RPS6KC1: variants seen among roughly 807,000 people sequenced by gnomAD.
The protein encoded by RPS6KC1 is inactive ribosomal protein S6 kinase delta-1.
A neutral mutation model predicts 103.8 loss-of-function variants in RPS6KC1; 54 were observed. That is an observed-to-expected ratio of 0.52 (90% CI 0.42 to 0.65). The LOEUF is 0.65. Ranked by LOEUF, RPS6KC1 falls within the 30% of genes least tolerant of loss-of-function variation. RPS6KC1 has a pLI of 0.00. For synonymous variants in RPS6KC1, 439 were observed against 438.7 expected, an observed-to-expected ratio of 1.00 and a Z score of -0.01; for missense variants, 1,151 against 1,253.8, an observed-to-expected ratio of 0.92 and a Z score of 1.24.
At chr1:213,645,942 A>G in the RPS6KC1 span, among the ~76,000 whole-genome samples, 3 of 152,222 alleles carry the variant, frequency 2.0e-5, no homozygotes, top group African/African-American at 7.2e-5. Flanking sequence ...TGAAATTGTC[A>G]TAGACAACCT....
At chr1:213,359,985 T>G in the RPS6KC1 span, among the ~76,000 whole-genome samples, 8,554 of 152,168 alleles carry the variant, frequency 0.056, 787 homozygotes, top group African/African-American at 0.2. Flanking sequence ...TGGCTGCCCT[T>G]AACATTTTTT....
the RPS6KC1 span, among the ~76,000 whole-genome samples, chr1:213,783,578 C>T: frequency 5.3e-5 from 8 of 152,006 alleles, no homozygotes; most frequent in East Asian, 1.2e-3. Flanking sequence ...CTTCAAAAGG[C>T]GAGGTGGTAT....
At chr1:213,135,057 G>A (rs2149037453) in intron 6 of RPS6KC1, among the ~76,000 whole-genome samples, 1 of 152,128 alleles carries the variant, frequency 6.6e-6, no homozygotes, top group Non-Finnish European at 1.5e-5. Context: ...GTTAGTTGTT[G>A]GTTTTTCATA....
At chr1:213,658,562 C>G in the RPS6KC1 span, among the ~76,000 whole-genome samples, 3 of 152,038 alleles carry the variant, frequency 2.0e-5, no homozygotes, top group Admixed American at 6.5e-5. Flanking sequence ...AATCTAGAGG[C>G]AAGACAGATC....
chr1:213,331,134 T>C, the RPS6KC1 span, among the ~76,000 whole-genome samples: 1 of 152,240 alleles, frequency 6.6e-6, no homozygotes, highest in Non-Finnish European at 1.5e-5. Flanking sequence ...ACTGCTAATG[T>C]GCTGGCACAG....
the RPS6KC1 span, among the ~76,000 whole-genome samples, chr1:213,590,687 G>T: frequency 6.6e-6 from 1 of 152,096 alleles, no homozygotes; most frequent in African/African-American, 2.4e-5. Flanking sequence ...ATGACCATGG[G>T]TGAGGTCACT....
the RPS6KC1 span, among the ~76,000 whole-genome samples, chr1:213,408,733 A>G: frequency 6.6e-6 from 1 of 152,340 alleles, no homozygotes; most frequent in African/African-American, 2.4e-5. Flanking sequence ...AGATGCACAC[A>G]TATACACACA....
the RPS6KC1 span, among the ~76,000 whole-genome samples, chr1:213,732,448 C>T: frequency 6.6e-6 from 1 of 151,906 alleles, no homozygotes; most frequent in Non-Finnish European, 1.5e-5. Context: ...GTTTCTAGTC[C>T]AAACTTTTAA....
chr1:213,397,912 T>C, the RPS6KC1 span, among the ~76,000 whole-genome samples: 2 of 152,136 alleles, frequency 1.3e-5, no homozygotes, highest in Non-Finnish European at 2.9e-5. Flanking sequence ...CTGGAGTGAA[T>C]CTGCTCAGGC....
intron 8 of RPS6KC1, among the ~76,000 whole-genome samples, chr1:213,206,803 T>G (rs1225307312): frequency 6.6e-6 from 1 of 152,114 alleles, no homozygotes; most frequent in African/African-American, 2.4e-5. Context: ...CAAAATTTTT[T>G]CTCTTGGGGT....
chr1:213,826,659 G>T, the RPS6KC1 span, among the ~76,000 whole-genome samples: 5 of 152,222 alleles, frequency 3.3e-5, no homozygotes, highest in African/African-American at 1.2e-4. Flanking sequence ...CCTGCTCATA[G>T]ATTATCCAGA....
chr1:213,707,110 T>G, the RPS6KC1 span, among the ~76,000 whole-genome samples: 1 of 152,198 alleles, frequency 6.6e-6, no homozygotes, highest in South Asian at 2.1e-4. Flanking sequence ...TCTAGATCCT[T>G]AAGGAATCAC....
chr1:213,675,169 T>C, the RPS6KC1 span, among the ~76,000 whole-genome samples: 2 of 152,238 alleles, frequency 1.3e-5, no homozygotes, highest in African/African-American at 2.4e-5. Flanking sequence ...GTTCCACTTG[T>C]CAATATTTGG....
chr1:213,314,908 C>T, the RPS6KC1 span, among the ~76,000 whole-genome samples: 383 of 152,224 alleles, frequency 2.5e-3, 2 homozygotes, highest in African/African-American at 8.8e-3. Context: ...GAGTCCCCCA[C>T]GTGCAGCCTC....
chr1:213,227,369 T>C (rs1573446769), intron 8 of RPS6KC1, among the ~76,000 whole-genome samples: 1 of 152,256 alleles, frequency 6.6e-6, no homozygotes, highest in African/African-American at 2.4e-5. Context: ...GTGTGTTATG[T>C]GATAGAATAA....
At chr1:213,088,147 C>T (rs1344005716) in intron 3 of RPS6KC1, among the ~76,000 whole-genome samples, 1 of 152,166 alleles carries the variant, frequency 6.6e-6, no homozygotes, top group Non-Finnish European at 1.5e-5. Flanking sequence ...TCCTGTTCTT[C>T]TGGCAACTGT....
the RPS6KC1 span, among the ~76,000 whole-genome samples, chr1:213,653,659 T>C: frequency 1.3e-5 from 2 of 152,232 alleles, no homozygotes; most frequent in African/African-American, 4.8e-5. Context: ...TGATCATATC[T>C]ATCTCTCCCC....
chr1:213,409,703 T>C, the RPS6KC1 span, among the ~76,000 whole-genome samples: 4 of 152,246 alleles, frequency 2.6e-5, no homozygotes, highest in Non-Finnish European at 5.9e-5. Flanking sequence ...GTCTGCTCAA[T>C]GGCTCCAATG....
chr1:213,607,007 A>G, the RPS6KC1 span, among the ~76,000 whole-genome samples: 2 of 152,206 alleles, frequency 1.3e-5, no homozygotes, highest in African/African-American at 4.8e-5. Flanking sequence ...TTGCCTGTTT[A>G]CAGAGCTTAG....
Sources: gnomAD v4.1 joint callset for allele counts (sites outside exome capture counted in the v4.1 genomes callset) on GRCh38, gnomAD v4.1.1 for gene constraint, MANE v1.5 for transcripts, NCBI Gene and HGNC (gene_info 2026-07-23, HGNC 2026-07-21) for gene names.